Variants in RYK observed in about 807,000 individuals in gnomAD.
RYK encodes the protein receptor like tyrosine kinase, also known as inactive tyrosine-protein kinase RYK.
RYK carries 21 observed loss-of-function variants against 70.2 expected under a neutral mutation model. The observed-to-expected ratio is 0.30, with a 90% CI of 0.21 to 0.43. The LOEUF is 0.43. Among genes scored for constraint, RYK ranks in the 20% least tolerant of loss-of-function variants. RYK has a pLI of 1.00. For synonymous variants in RYK, 267 were observed against 278.0 expected (o/e 0.96, Z 0.39); for missense variants, 604 against 753.3 (o/e 0.80, Z 2.32).
chr3:134,193,160 A>G (rs1357884522), intron 7 of RYK, among the ~76,000 whole-genome samples: 3 of 152,108 alleles, frequency 2.0e-5, no homozygotes, highest in Admixed American at 1.3e-4. Flanking sequence ...ACAATTTTTA[A>G]AAGATAAATA....
intron 7 of RYK, among the ~76,000 whole-genome samples, chr3:134,193,722 A>C (rs1172763926): frequency 6.6e-6 from 1 of 152,078 alleles, no homozygotes; most frequent in African/African-American, 2.4e-5. Context: ...TATTTCCCTT[A>C]AATTTTGTTT....
chr3:134,217,363 C>T (rs989205982), intron 2 of RYK, among the ~76,000 whole-genome samples: 5 of 152,212 alleles, frequency 3.3e-5, no homozygotes, highest in Non-Finnish European at 5.9e-5. Context: ...CATCAAGCCT[C>T]CCCTGCCCTC....
intron 10 of RYK, among the ~76,000 whole-genome samples, chr3:134,182,597 G>C (rs1452582309): frequency 6.6e-6 from 1 of 151,978 alleles, no homozygotes; most frequent in Admixed American, 6.6e-5. Context: ...AACTATTACT[G>C]CATCTAGAAG....
chr3:134,197,661 A>G (rs747806402), intron 6 of RYK, among the ~76,000 whole-genome samples: 9 of 152,214 alleles, frequency 5.9e-5, no homozygotes, highest in Non-Finnish European at 1.3e-4. Context: ...CCAGACTTCA[A>G]TAATGGGGAG....
intron 10 of RYK, among the ~76,000 whole-genome samples, chr3:134,182,704 A>AT (rs2013340168): frequency 6.6e-6 from 1 of 152,128 alleles, no homozygotes; most frequent in African/African-American, 2.4e-5. Context: ...CCATCATCCT[A>AT]TTTTTTAAAG....
chr3:134,237,602 A>T (rs1019072028), intron 1 of RYK, among the ~76,000 whole-genome samples: 1 of 152,234 alleles, frequency 6.6e-6, no homozygotes, highest in Non-Finnish European at 1.5e-5. Flanking sequence ...CAGAGTTCAC[A>T]GTTCTTACTT....
intron 7 of RYK, among the ~76,000 whole-genome samples, chr3:134,192,875 C>T (rs928611184): frequency 6.6e-6 from 1 of 152,120 alleles, no homozygotes; most frequent in Admixed American, 6.5e-5. Context: ...GATAGACTGT[C>T]TAGGTGTGTG....
At chr3:134,196,630 G>C (rs1046971826) in intron 6 of RYK, among the ~76,000 whole-genome samples, 1 of 135,822 alleles carries the variant, frequency 7.4e-6, no homozygotes, top group South Asian at 2.5e-4. Context: ...CACACACACG[G>C]CTGCTATGTA....
intron 13 of RYK, among the ~76,000 whole-genome samples, chr3:134,159,837 T>A (rs2012392464): frequency 6.6e-6 from 1 of 152,216 alleles, no homozygotes; most frequent in Non-Finnish European, 1.5e-5. Context: ...ATTAAAGGAT[T>A]AAAAAAACTT....
intron 1 of RYK, among the ~76,000 whole-genome samples, chr3:134,224,895 C>T (rs1343058011): frequency 1.3e-5 from 2 of 152,172 alleles, no homozygotes; most frequent in Non-Finnish European, 2.9e-5. Flanking sequence ...AAGAGTAATG[C>T]TACAAACTAA....
At chr3:134,184,136 A>G (rs1195034739) in intron 9 of RYK, among the ~76,000 whole-genome samples, 1 of 152,204 alleles carries the variant, frequency 6.6e-6, no homozygotes, top group African/African-American at 2.4e-5. Flanking sequence ...TTAAAAACAA[A>G]CAAAAAGAAC....
rs945699021 is a variant in RYK, at chr3:134,185,550, A to G, written c.1103-2479T>C. The stretch of plus-strand genomic sequence containing the variant: ...TACTTCTTTGGAAAAGGTGCTTCAT[A>G]TCAATGTCTGCTGGAATAAACTCTA... On this transcript the variant is annotated intron_variant, in intron 9 of 14. Transcript: ENST00000623711. Among the ~76,000 whole-genome samples the G allele has an allele frequency of 3.2e-4, 48 of 152,258 alleles. 2 individuals are homozygous for G. Among genetic ancestry groups the G allele is most frequent in the Non-Finnish European group, 1.0e-4 (7 of 68,048 alleles).
At chr3:134,194,417 CTTGA>C (rs1390851753) in intron 7 of RYK, among the ~76,000 whole-genome samples, 1 of 152,228 alleles carries the variant, frequency 6.6e-6, no homozygotes, top group East Asian at 1.9e-4. Flanking sequence ...TAGCTATTTC[CTTGA>C]TATCTGACTC....
At chr3:134,249,183 C>T (rs2015544287) in intron 1 of RYK, among the ~76,000 whole-genome samples, 1 of 152,154 alleles carries the variant, frequency 6.6e-6, no homozygotes, top group Admixed American at 6.5e-5. Flanking sequence ...AGTTTTAATT[C>T]AGCTAAACTA....
At chr3:134,214,224 T>C (rs1279429700) in intron 2 of RYK, among the ~76,000 whole-genome samples, 1 of 152,208 alleles carries the variant, frequency 6.6e-6, no homozygotes, top group East Asian at 1.9e-4. Flanking sequence ...CAATATTCAG[T>C]ATTCAATATC....
chr3:134,218,910 A>G (rs1022149953), intron 2 of RYK, among the ~76,000 whole-genome samples: 1 of 152,170 alleles, frequency 6.6e-6, no homozygotes, highest in Non-Finnish European at 1.5e-5. Flanking sequence ...AATCAACTAG[A>G]TTTAGAAAGT....
At chr3:134,215,904 G>A (rs2014536178) in intron 2 of RYK, among the ~76,000 whole-genome samples, 1 of 151,928 alleles carries the variant, frequency 6.6e-6, no homozygotes, top group African/African-American at 2.4e-5. Context: ...TGGGCATGGT[G>A]GTGGGCACAT....
At chr3:134,189,004 T>G (rs2013560315) in intron 8 of RYK, 81 bp from the exon 9 acceptor site, 6 of 805,750 alleles carry the variant, frequency 7.4e-6, no homozygotes, top group Non-Finnish European at 1.2e-5. Flanking sequence ...CAATATAACA[T>G]AAAACAAAAA....
At chr3:134,219,921 G>C (rs530505007) in intron 2 of RYK, among the ~76,000 whole-genome samples, 3 of 152,340 alleles carry the variant, frequency 2.0e-5, no homozygotes, top group African/African-American at 7.2e-5. Flanking sequence ...TTTTTTAAAA[G>C]ATAGTTTCAA....
Sources: gnomAD v4.1 joint callset for allele counts (sites outside exome capture counted in the v4.1 genomes callset) on GRCh38, gnomAD v4.1.1 for gene constraint, MANE v1.5 for transcripts, NCBI Gene and HGNC (gene_info 2026-07-23, HGNC 2026-07-21) for gene names.